TEX15: variants seen among roughly 807,000 people sequenced by gnomAD.
TEX15 encodes the protein testis-expressed protein 15.
In TEX15, 171 loss-of-function variants were observed where a neutral mutation model predicts 237.3. The observed-to-expected ratio is 0.72, with a 90% CI of 0.64 to 0.82. The LOEUF (loss-of-function observed/expected upper bound fraction) is 0.82. Among genes scored for constraint, TEX15 ranks in the 40% least tolerant of loss-of-function variants. The pLI is 0.00. For missense variants in TEX15, 3,750 were observed against 3,646.5 expected (o/e 1.03, Z -0.73); for synonymous variants, 1,338 against 1,269.8 (o/e 1.05, Z -1.14).
At position 30,843,770 on chromosome 8, in the gene TEX15, T is replaced by C; in HGVS notation, c.6397A>G (p.Arg2133Gly). ...QSNFYPGFQG[R>G]LKYNAFCELQ... Reference sequence around the variant, plus strand: ...TCACAGAATGCATTATATTTTAATCTTCCTTGGAAACCAGGATAGAAATTA... The same window carrying C: ...TCACAGAATGCATTATATTTTAATCCTCCTTGGAAACCAGGATAGAAATTA... The change falls in exon 8 of 11, where the codon AGA becomes GGA. Residue 2133 changes from arginine (R) to glycine (G), a missense_variant. Arg to Gly is a moderately radical substitution (Grantham distance 125, BLOSUM62 -2). Transcript: ENST00000643185. The C allele has an allele frequency of 6.2e-7, 1 of 1,613,492 alleles. No individual in the cohort carries two copies. The highest frequency in any genetic ancestry group is 8.5e-7 in the Non-Finnish European group (1 of 1,179,646).
At position 30,846,560 on chromosome 8, in the gene TEX15, A is replaced by G; in HGVS notation, c.3607T>C (p.Phe1203Leu). Residue 1203 changes from phenylalanine to leucine, a missense_variant, in exon 8 of 11, where the codon TTT becomes CTT. Transcript: ENST00000643185. ...INKEDGEILG[F>L]DIYSQPFGEN... is the part of the protein sequence containing the mutation. ...CCAAAAGGCTGGGAATAAATGTCAAATCCTAGAATTTCTCCATCTTCCTTA... is the reference window on the plus strand; with the variant it reads ...CCAAAAGGCTGGGAATAAATGTCAAGTCCTAGAATTTCTCCATCTTCCTTA... The G allele has an allele frequency of 1.2e-6, 2 of 1,613,806 alleles. No individual in the cohort carries two copies. Among genetic ancestry groups the G allele is most frequent in the South Asian group, 1.1e-5 (1 of 91,054 alleles).
At chr8:30,872,914 T>C (rs1808321657) in intron 4 of TEX15, among the ~76,000 whole-genome samples, 1 of 152,166 alleles carries the variant, frequency 6.6e-6, no homozygotes, top group Admixed American at 6.6e-5. Flanking sequence ...CTAAGGTTTA[T>C]TATTGAGAAA....
chr8:30,905,426 T>C (rs1809081517), intron 1 of TEX15, among the ~76,000 whole-genome samples: 1 of 152,194 alleles, frequency 6.6e-6, no homozygotes, highest in African/African-American at 2.4e-5. Flanking sequence ...TGAATTGTCA[T>C]ATTAAATACC....
intron 4 of TEX15, among the ~76,000 whole-genome samples, chr8:30,870,817 C>G (rs1054426365): frequency 6.6e-6 from 1 of 152,010 alleles, no homozygotes; most frequent in Non-Finnish European, 1.5e-5. Context: ...GATTAAAAAG[C>G]ATAAATTTAT....
chr8:30,859,009 C>T (rs923920614), intron 6 of TEX15, among the ~76,000 whole-genome samples, 179 bp from the exon 7 acceptor site: 15 of 152,012 alleles, frequency 9.9e-5, no homozygotes, highest in Admixed American at 8.5e-4. Flanking sequence ...TTCTCCCCCA[C>T]AATTTTTTTT....
intron 1 of TEX15, among the ~76,000 whole-genome samples, chr8:30,907,787 A>C (rs1809140193): frequency 6.8e-6 from 1 of 146,524 alleles, no homozygotes; most frequent in African/African-American, 2.5e-5. Flanking sequence ...AAAAAAAAAA[A>C]AAAGCCAGGC....
intron 7 of TEX15, among the ~76,000 whole-genome samples, chr8:30,853,149 G>A (rs933650566): frequency 1.3e-5 from 2 of 152,188 alleles, no homozygotes; most frequent in African/African-American, 4.8e-5. Context: ...ATTGCGGATG[G>A]GCTGCAGTAG....
At chr8:30,870,999 C>T (rs903625749) in intron 4 of TEX15, among the ~76,000 whole-genome samples, 1 of 151,978 alleles carries the variant, frequency 6.6e-6, no homozygotes, top group Non-Finnish European at 1.5e-5. Context: ...ACCCACCATC[C>T]TTGGCTCATA....
rs932874076 is a variant in TEX15 at position 30,893,002 on chromosome 8, C to T, written c.-9-5691G>A. ...GAGCCGAGATTGTGCCACTGCACTC[C>T]AGCCTGGGCGACAGAGCGAGACTCT... is the stretch of plus-strand genomic sequence containing the variant. On this transcript the variant is annotated intron_variant, in intron 2 of 10. Transcript: ENST00000643185. Among the ~76,000 whole-genome samples, 13 of 144,260 alleles carry T rather than the reference C, an allele frequency of 9.0e-5. No individual in the cohort carries two copies. The East Asian group carries it at 9.9e-4, about 11-fold the overall frequency. The allele number at this position is 144,260 out of a possible 152,430, so 94.6% of individuals were successfully genotyped here.
At chr8:30,872,048 CAGG>C (rs1177390257) in intron 4 of TEX15, among the ~76,000 whole-genome samples, 1 of 152,088 alleles carries the variant, frequency 6.6e-6, no homozygotes, top group African/African-American at 2.4e-5. Flanking sequence ...GTAACTATAG[CAGG>C]AGATCTTGTT....
At chr8:30,890,965 T>C (rs928951271) in intron 2 of TEX15, among the ~76,000 whole-genome samples, 9 of 152,222 alleles carry the variant, frequency 5.9e-5, no homozygotes, top group African/African-American at 1.9e-4. Context: ...TACAAATAAA[T>C]TAGTTTTGTC....
chr8:30,910,313 A>C (rs1809191623), intron 1 of TEX15, among the ~76,000 whole-genome samples: 1 of 151,898 alleles, frequency 6.6e-6, no homozygotes, highest in African/African-American at 2.4e-5. Flanking sequence ...TAACATACTA[A>C]AGCCATATAC....
At position 30,849,226 on chromosome 8, in the gene TEX15, G is replaced by C; in HGVS notation, c.941C>G (p.Pro314Arg). 2 of 1,536,200 alleles carry C rather than the reference G, an allele frequency of 1.3e-6. No homozygotes were observed. Among genetic ancestry groups the C allele is most frequent in the Non-Finnish European group, 1.7e-6 (2 of 1,146,868 alleles). Residue 314 changes from proline (P) to arginine (R), a missense_variant, in exon 8 of 11, where the codon CCT (proline) becomes CGT (arginine). Pro to Arg is a moderately radical substitution (Grantham distance 103). Transcript: ENST00000643185. ...ATVTFVHFKK[P>R]VDPFVQENCL... ...GTTTTCTTGAACAAATGGATCTACA[G>C]GTTTCTTGAAATGCACAAAGGTGAC...
chr8:30,859,252 A>G (rs774954527), intron 6 of TEX15, among the ~76,000 whole-genome samples: 11 of 151,980 alleles, frequency 7.2e-5, no homozygotes, highest in Non-Finnish European at 1.0e-4. Flanking sequence ...TAATCCATAT[A>G]TAATTTAATA....
intron 7 of TEX15, among the ~76,000 whole-genome samples, chr8:30,853,538 T>C (rs1479320423): frequency 6.6e-6 from 1 of 151,938 alleles, no homozygotes; most frequent in Non-Finnish European, 1.5e-5. Flanking sequence ...AGCACAAATG[T>C]GGTATTGGTA....
rs542980179 is a variant in TEX15 at position 30,864,317 on chromosome 8, G to C, written c.540+2948C>G. On this transcript the variant is annotated intron_variant, in intron 5 of 10. Coordinates refer to ENST00000643185, the MANE Select transcript of TEX15 (RefSeq NM_001350162.2). Reference sequence around the variant, plus strand: ...AAAAAAAAAGTGAACAGACCCTAAGGGACCTGTGGGGCACCATCAAGCGTA... The same window carrying C: ...AAAAAAAAAGTGAACAGACCCTAAGCGACCTGTGGGGCACCATCAAGCGTA... Among the ~76,000 whole-genome samples the C allele has an allele frequency of 9.9e-5, 15 of 151,414 alleles. No homozygotes were observed. In the South Asian group the frequency reaches 1.7e-3, roughly 17 times the overall value.
At position 30,860,028 on chromosome 8, in the gene TEX15, T is replaced by C. The variant is rs557176213; in HGVS notation, c.570A>G (p.Gln190=). 14 of 1,487,746 alleles carry C rather than the reference T, an allele frequency of 9.4e-6. No homozygotes were observed. The highest frequency in any genetic ancestry group is 5.1e-5 in the Admixed American group (2 of 38,866). 92.2% of individuals were successfully genotyped at this position (1,487,746 alleles called of 1,614,324 possible). A position where few individuals can be genotyped will look rare whatever the true frequency, so the allele number is the denominator to read the frequency against. The change falls in exon 6 of 11, where the codon CAA becomes CAG. Residue 190 remains glutamine (Q), a synonymous_variant. Coordinates refer to ENST00000643185, the MANE Select transcript of TEX15 (RefSeq NM_001350162.2). ...KVLFGKVKKI[Q]PSVDKNKVSL... ...AAACTTTATTTTTATCCACAGAAGG[T>C]TGGATTTTCTTCACTTTTCCAAAGA...
chr8:30,853,843 A>C (rs946424634), intron 7 of TEX15, among the ~76,000 whole-genome samples: 14 of 152,200 alleles, frequency 9.2e-5, no homozygotes, highest in Non-Finnish European at 2.9e-5. Flanking sequence ...TGAAATAGAT[A>C]TCGGTTAACA....
At chr8:30,877,168 T>C (rs1256136465) in intron 3 of TEX15, among the ~76,000 whole-genome samples, 1 of 152,194 alleles carries the variant, frequency 6.6e-6, no homozygotes, top group East Asian at 1.9e-4. Context: ...AGGCAGGGCA[T>C]GGCCTCATTT....
Sources: allele counts gnomAD v4.1 joint callset (sites outside exome capture counted in the v4.1 genomes callset), GRCh38; gene constraint gnomAD v4.1.1; transcripts MANE v1.5; gene names NCBI Gene and HGNC (gene_info 2026-07-23, HGNC 2026-07-21).